Variants in DOCK5 observed in about 807,000 individuals in gnomAD.
The protein encoded by DOCK5 is dedicator of cytokinesis 5.
In DOCK5, 142 loss-of-function variants were observed where a neutral mutation model predicts 251.8. The ratio of observed to expected loss-of-function variants is 0.56; its 90% CI spans 0.49 to 0.65. The LOEUF (loss-of-function observed/expected upper bound fraction) is 0.65, where lower values mean the gene tolerates loss of function less well. Ranked by LOEUF, DOCK5 falls within the 30% of genes least tolerant of loss-of-function variation. DOCK5 has a pLI of 0.00. For missense variants in DOCK5, 2,111 were observed against 2,312.3 expected (o/e 0.91, Z 1.79); for synonymous variants, 842 against 835.5 (o/e 1.01, Z -0.13).
At chr8:25,304,199 A>G (rs1804840665) in intron 10 of DOCK5, 56 bp from the exon 11 acceptor site, 1 of 1,428,540 alleles carries the variant, frequency 7.0e-7, no homozygotes, top group Non-Finnish European at 9.5e-7. Context: ...TTTCCATAGT[A>G]ACTTACTGAG....
intron 39 of DOCK5, among the ~76,000 whole-genome samples, chr8:25,381,580 A>G (rs1368145050): frequency 6.6e-6 from 1 of 151,966 alleles, no homozygotes; most frequent in Non-Finnish European, 1.5e-5. Context: ...GTGAACTGTA[A>G]TCATGCTACT....
chr8:25,295,192 A>G (rs1055608117), intron 6 of DOCK5, among the ~76,000 whole-genome samples: 19 of 152,124 alleles, frequency 1.2e-4, no homozygotes, highest in African/African-American at 4.3e-4. Flanking sequence ...TAATCCCAGC[A>G]CTTTGGGAGA....
chr8:25,382,826 G>C (rs773024978), intron 40 of DOCK5, 48 bp downstream of exon 40: 3 of 1,480,664 alleles, frequency 2.0e-6, no homozygotes, highest in Admixed American at 4.0e-5. Flanking sequence ...GGAGGGAAGA[G>C]ACTCATTTCT....
At chr8:25,375,066 A>T (rs370065978) in intron 37 of DOCK5, 1 of 875,636 alleles carries the variant, frequency 1.1e-6, no homozygotes. Context: ...ATATAAATAC[A>T]TCTATATGTT....
chr8:25,243,332 C>CTTT (rs539379147), intron 1 of DOCK5, among the ~76,000 whole-genome samples: 1 of 138,680 alleles, frequency 7.2e-6, no homozygotes, highest in Non-Finnish European at 1.6e-5. Context: ...GACATGCATT[C>CTTT]TTTTTTTTTT....
intron 2 of DOCK5, among the ~76,000 whole-genome samples, chr8:25,252,923 C>G (rs1447360166): frequency 6.6e-6 from 1 of 152,146 alleles, no homozygotes; most frequent in Non-Finnish European, 1.5e-5. Flanking sequence ...CCTCTGCCTG[C>G]TGGGTTCAAG....
chr8:25,265,369 A>G (rs1161785120), intron 2 of DOCK5, among the ~76,000 whole-genome samples: 1 of 151,826 alleles, frequency 6.6e-6, no homozygotes, highest in East Asian at 1.9e-4. Flanking sequence ...TGGCAATGAC[A>G]TTTTTCTTCT....
At position 25,351,836 on chromosome 8, in the gene DOCK5, T is replaced by G. The variant is rs377306508; in HGVS notation, c.2850+10T>G. The G allele has an allele frequency of 1.8e-4, 287 of 1,611,512 alleles. No homozygotes were observed. The highest frequency in any genetic ancestry group is 1.6e-4 in the Non-Finnish European group (194 of 1,178,276). Reference sequence around the variant, plus strand: ...GCAGTCTCCCCACATCGTGAGTATCTCTTTGTTGGATCCCACGGCCGCTGC... The same window carrying G: ...GCAGTCTCCCCACATCGTGAGTATCGCTTTGTTGGATCCCACGGCCGCTGC... On this transcript the variant is annotated intron_variant, in intron 27 of 51. Coordinates refer to ENST00000276440, the MANE Select transcript of DOCK5 (RefSeq NM_024940.8).
At chr8:25,204,008 T>C (rs1248588830) in intron 1 of DOCK5, among the ~76,000 whole-genome samples, 1 of 152,232 alleles carries the variant, frequency 6.6e-6, no homozygotes, top group Non-Finnish European at 1.5e-5. Context: ...ATCTTCTTGC[T>C]TTTATCAGCA....
intron 1 of DOCK5, among the ~76,000 whole-genome samples, chr8:25,203,618 C>T (rs1801931275): frequency 6.6e-6 from 1 of 152,156 alleles, no homozygotes; most frequent in African/African-American, 2.4e-5. Flanking sequence ...TATCACTCTC[C>T]TCTGGTGACA....
chr8:25,317,685 A>T (rs529201958), intron 14 of DOCK5, among the ~76,000 whole-genome samples: 1 of 151,986 alleles, frequency 6.6e-6, no homozygotes, highest in African/African-American at 2.4e-5. Flanking sequence ...ATCTCCACTC[A>T]CTGCAAGCTC....
chr8:25,372,625 C>G lies in DOCK5; in HGVS notation c.3591C>G (p.Val1197=), dbSNP rs753856181. The change falls in exon 35 of 52, where the codon GTC becomes GTG. Residue 1197 remains valine, a synonymous_variant. Transcript: ENST00000276440. ...CTGGGGAGGTCTTCGCCCTCCTGGT[C>G]AGCAGCCTCTTAGAGAACCTGCTGG... The part of the protein sequence containing the change: ...SSSGEVFALL[V]SSLLENLLDY... The G allele has an allele frequency of 6.2e-7, 1 of 1,608,980 alleles. No individual in the cohort carries two copies. Among genetic ancestry groups the G allele is most frequent in the Admixed American group, 1.7e-5 (1 of 58,916 alleles).
Position 25,406,828 on chromosome 8 carries a change from G to A in DOCK5, c.5094-1155G>A, listed in dbSNP as rs146363700. Reference sequence around the variant, plus strand: ...TTCTTAGTAGAGACGAGGTTTCACCGTATTGGCCAGGCTGGTCTCTAACTC... The same window carrying A: ...TTCTTAGTAGAGACGAGGTTTCACCATATTGGCCAGGCTGGTCTCTAACTC... On this transcript the variant is annotated intron_variant, in intron 48 of 51. Coordinates refer to ENST00000276440, the MANE Select transcript of DOCK5 (RefSeq NM_024940.8). Among the ~76,000 whole-genome samples the A allele has an allele frequency of 4.4e-3, 668 of 151,904 alleles. 6 individuals carry two copies. The highest frequency in any genetic ancestry group is 0.015 in the African/African-American group (629 of 41,424).
At chr8:25,248,231 T>C (rs1689348619) in intron 2 of DOCK5, among the ~76,000 whole-genome samples, 1 of 152,238 alleles carries the variant, frequency 6.6e-6, no homozygotes, top group Non-Finnish European at 1.5e-5. Flanking sequence ...TTGTATCTGC[T>C]AAGCACTTAG....
At chr8:25,305,046 A>G (rs1279827907) in intron 11 of DOCK5, 1 of 152,284 alleles carries the variant, frequency 6.6e-6, no homozygotes, top group Non-Finnish European at 1.5e-5. Flanking sequence ...TGTGAACGTC[A>G]TGACCTGCTC....
At chr8:25,376,139 C>T in intron 37 of DOCK5, 1 of 974,024 alleles carries the variant, frequency 1.0e-6, no homozygotes, top group Non-Finnish European at 1.2e-6. Context: ...CTGTATATAG[C>T]TTAGAAAGTG....
chr8:25,372,041 G>A (rs1387043680), intron 34 of DOCK5, among the ~76,000 whole-genome samples: 1 of 152,188 alleles, frequency 6.6e-6, no homozygotes, highest in African/African-American at 2.4e-5. Flanking sequence ...CTAAAGAGCC[G>A]CATTGCAGGA....
chr8:25,218,833 G>A (rs1469664185), intron 1 of DOCK5, among the ~76,000 whole-genome samples: 2 of 152,140 alleles, frequency 1.3e-5, no homozygotes, highest in African/African-American at 4.8e-5. Context: ...TAGGTGGCAG[G>A]ACCTTGAAGG....
At chr8:25,348,444 A>G (rs938136081) in intron 26 of DOCK5, among the ~76,000 whole-genome samples, 3 of 152,242 alleles carry the variant, frequency 2.0e-5, no homozygotes, top group Non-Finnish European at 4.4e-5. Flanking sequence ...CTTATGCTCC[A>G]GGCACTGGGA....
Sources: allele counts gnomAD v4.1 joint callset (sites outside exome capture counted in the v4.1 genomes callset), GRCh38; gene constraint gnomAD v4.1.1; transcripts MANE v1.5; gene names NCBI Gene and HGNC (gene_info 2026-07-23, HGNC 2026-07-21).